The following MTREX variants were observed in gnomAD, a reference collection of about 807,000 sequenced individuals.
MTREX encodes the protein exosome RNA helicase MTR4.
Under a neutral mutation model 135.4 loss-of-function variants are expected in MTREX, and 76 were observed. That is an observed-to-expected ratio of 0.56 (90% CI 0.47 to 0.68). The LOEUF (loss-of-function observed/expected upper bound fraction) is 0.68, where lower values mean the gene tolerates loss of function less well. Among genes scored for constraint, MTREX ranks in the 30% least tolerant of loss-of-function variants. MTREX has a pLI of 0.00. For missense variants in MTREX, 920 were observed against 1,262.1 expected, an observed-to-expected ratio of 0.73 and a Z score of 4.11; for synonymous variants, 404 against 401.6, an observed-to-expected ratio of 1.01 and a Z score of -0.07.
intron 15 of MTREX, 126 bp downstream of exon 15, chr5:55,358,824 G>GC (rs1749962928): frequency 1.4e-6 from 1 of 724,042 alleles, no homozygotes; most frequent in South Asian, 2.5e-5. Flanking sequence ...AACTATCTGG[G>GC]CTTGGGAAGA....
Position 55,340,119 on chromosome 5 carries a change from G to A in MTREX, c.625G>A (p.Val209Ile), listed in dbSNP as rs746047205. The A allele has an allele frequency of 6.2e-6, 10 of 1,604,904 alleles. No individual in the cohort carries two copies. Among genetic ancestry groups the A allele is most frequent in the African/African-American group, 1.3e-5 (1 of 74,412 alleles). The change falls in exon 6 of 27, where the codon GTT becomes ATT. Residue 209 changes from valine (V) to isoleucine (I), a missense_variant. This residue lies in a region of MTREX where 88 missense variants were observed against 202.5 expected (regional missense o/e 0.43). Transcript: ENST00000230640. The part of the protein sequence containing the change: ...YREMYEEFQD[V>I]GLMTGDVTIN... The stretch of plus-strand genomic sequence containing the variant: ...TGAAATGTATGAAGAATTTCAAGAT[G>A]TTGGTTTGATGACTGGTGATGTTAC...
chr5:55,343,538 C>G, intron 8 of MTREX, 83 bp downstream of exon 8: 2 of 1,196,216 alleles, frequency 1.7e-6, no homozygotes, highest in Middle Eastern at 2.0e-4. Flanking sequence ...TGCTTTTCTC[C>G]TGATGTTGTC....
intron 23 of MTREX, among the ~76,000 whole-genome samples, chr5:55,412,850 GATGT>G (rs771404514): frequency 7.2e-5 from 11 of 152,132 alleles, no homozygotes; most frequent in Admixed American, 2.0e-4. Flanking sequence ...ATTAAACTGA[GATGT>G]TAAGGTCATT....
At chr5:55,414,563 A>T (rs1482600813) in intron 24 of MTREX, among the ~76,000 whole-genome samples, 1 of 152,170 alleles carries the variant, frequency 6.6e-6, no homozygotes, top group Non-Finnish European at 1.5e-5. Context: ...CTCAGTACTG[A>T]TAATGGTATC....
intron 16 of MTREX, among the ~76,000 whole-genome samples, chr5:55,374,492 C>G (rs1750262105): frequency 6.6e-6 from 1 of 151,816 alleles, no homozygotes; most frequent in South Asian, 2.1e-4. Context: ...CACTGTCTCT[C>G]CCAGGCTGGT....
At chr5:55,409,097 G>A (rs1055696612) in intron 22 of MTREX, among the ~76,000 whole-genome samples, 7 of 152,112 alleles carry the variant, frequency 4.6e-5, no homozygotes, top group African/African-American at 9.6e-5. Context: ...GACTACAGGC[G>A]TGTGCCACCA....
At position 55,421,982 on chromosome 5, in the gene MTREX, G is replaced by A. The variant is rs568394799; in HGVS notation, c.2972-896G>A. Among the ~76,000 whole-genome samples, 7 of 152,194 alleles carry A rather than the reference G, an allele frequency of 4.6e-5. No homozygotes were observed. In the South Asian group the frequency reaches 1.5e-3, roughly 32 times the overall value. On this transcript the variant is annotated intron_variant, in intron 25 of 26. Transcript: ENST00000230640. Reference sequence around the variant, plus strand: ...TGTTTCATTGCAAGGCAGTATTGGAGCCTGCATTCCTAGCAGCTGAGAATA... The same window carrying A: ...TGTTTCATTGCAAGGCAGTATTGGAACCTGCATTCCTAGCAGCTGAGAATA...
At chr5:55,352,611 A>G (rs1468001167) in intron 13 of MTREX, among the ~76,000 whole-genome samples, 2 of 152,196 alleles carry the variant, frequency 1.3e-5, no homozygotes, top group East Asian at 3.8e-4. Context: ...ATTCTTTTTA[A>G]TGAATGAATA....
Position 55,422,955 on chromosome 5 carries a change from A to G in MTREX, c.3049A>G (p.Thr1017Ala). ...TCAAGCAGCAAAAGCCATTGGAAACACTGAGCTGGAAAATAAATTTGCAGA... is the reference window on the plus strand; with the variant it reads ...TCAAGCAGCAAAAGCCATTGGAAACGCTGAGCTGGAAAATAAATTTGCAGA... ...MCQAAKAIGN[T>A]ELENKFAEGI... The change falls in exon 26 of 27, where the codon ACT (threonine) becomes GCT (alanine). Residue 1017 changes from threonine to alanine, a missense_variant. This residue lies in a region of MTREX where 467 missense variants were observed against 589.7 expected (regional missense o/e 0.79). Coordinates refer to ENST00000230640, the MANE Select transcript of MTREX (RefSeq NM_015360.5). The G allele has an allele frequency of 6.2e-7, 1 of 1,614,050 alleles. No individual in the cohort carries two copies. Among genetic ancestry groups the G allele is most frequent in the Non-Finnish European group, 8.5e-7 (1 of 1,179,928 alleles).
chr5:55,344,548 T>C lies in MTREX; in HGVS notation c.933T>C (p.Tyr311=). 1 of 1,611,462 alleles carries C rather than the reference T, an allele frequency of 6.2e-7. No homozygotes were observed. Among genetic ancestry groups the C allele is most frequent in the Non-Finnish European group, 8.5e-7 (1 of 1,177,966 alleles). ...KQPCHVIYTD[Y]RPTPLQHYIF... ...CTTGTCATGTTATTTACACAGATTA[T>C]CGGCCCACTCCATTGCAACACTACA... is the stretch of plus-strand genomic sequence containing the variant. The change falls in exon 9 of 27, where the codon TAT becomes TAC. Residue 311 remains tyrosine (Y), a synonymous_variant. Coordinates refer to ENST00000230640, the MANE Select transcript of MTREX (RefSeq NM_015360.5).
chr5:55,414,316 A>T, intron 24 of MTREX, 78 bp downstream of exon 24: 9 of 1,134,234 alleles, frequency 7.9e-6, no homozygotes, highest in Admixed American at 3.0e-5. Flanking sequence ...TTGATAATCT[A>T]ATCATAGTAG....
chr5:55,378,716 A>C (rs1245318075), intron 17 of MTREX, among the ~76,000 whole-genome samples: 1 of 152,196 alleles, frequency 6.6e-6, no homozygotes, highest in Non-Finnish European at 1.5e-5. Flanking sequence ...TGAAGTAGAT[A>C]GTTTTGGAAT....
intron 16 of MTREX, among the ~76,000 whole-genome samples, chr5:55,374,064 C>T (rs1317567177): frequency 1.3e-5 from 2 of 151,890 alleles, no homozygotes; most frequent in Non-Finnish European, 2.9e-5. Flanking sequence ...TCAAGACCAG[C>T]CTGGCCAACA....
Position 55,347,140 on chromosome 5 carries a change from C to T in MTREX, c.1236C>T (p.Asn412=), listed in dbSNP as rs774241535. The change falls in exon 11 of 27, where the codon AAC becomes AAT. Residue 412 remains asparagine, a synonymous_variant. Coordinates refer to ENST00000230640, the MANE Select transcript of MTREX (RefSeq NM_015360.5). ...YALQMTKLDF[N]TDEEKKMVEE... The stretch of plus-strand genomic sequence containing the variant: ...TTCAAATGACCAAATTAGATTTCAA[C>T]ACAGGTACTACATCATTTCAGTATC... 3 of 1,598,528 alleles carry T rather than the reference C, an allele frequency of 1.9e-6. No homozygotes were observed. The highest frequency in any genetic ancestry group is 1.1e-5 in the South Asian group (1 of 87,824).
chr5:55,380,448 T>C (rs1750378243), intron 18 of MTREX, among the ~76,000 whole-genome samples: 1 of 152,232 alleles, frequency 6.6e-6, no homozygotes, highest in Non-Finnish European at 1.5e-5. Context: ...AATTTCTTTC[T>C]GTTCCTGGTG....
rs543817592 is a variant in MTREX at position 55,382,622 on chromosome 5, G to GTT, written c.2052+3435_2052+3436dup. ...TATTACTTTTTGAAAATCATTTATG[G>GTT]TTTTTTTTTGTTTTTTTGTTTTTTG... is the stretch of plus-strand genomic sequence containing the variant. On this transcript the variant is annotated intron_variant, in intron 18 of 26. Coordinates refer to ENST00000230640, the MANE Select transcript of MTREX (RefSeq NM_015360.5). Among the ~76,000 whole-genome samples the GTT allele has an allele frequency of 1.1e-3, 159 of 150,456 alleles. 1 individual carries two copies. The highest frequency in any genetic ancestry group is 3.7e-3 in the African/African-American group (153 of 41,048).
At chr5:55,415,720 T>C (rs1036324942) in intron 24 of MTREX, among the ~76,000 whole-genome samples, 6 of 152,236 alleles carry the variant, frequency 3.9e-5, no homozygotes, top group African/African-American at 1.2e-4. Flanking sequence ...TGAAAAGGTA[T>C]CACTGGCTGA....
At chr5:55,349,888 G>C (rs1158195215) in intron 12 of MTREX, among the ~76,000 whole-genome samples, 1 of 152,136 alleles carries the variant, frequency 6.6e-6, no homozygotes, top group Non-Finnish European at 1.5e-5. Flanking sequence ...GAAAATTACT[G>C]CTAGTGTTCT....
rs3747729 is a variant in MTREX, at chr5:55,421,818, A to G, written c.2972-1060A>G. Reference sequence around the variant, plus strand: ...AAATCTAGTTACATTTTGAGCCACTACCTAATTTAATTATCTTTGGATATA... The same window carrying G: ...AAATCTAGTTACATTTTGAGCCACTGCCTAATTTAATTATCTTTGGATATA... On this transcript the variant is annotated intron_variant, in intron 25 of 26. Coordinates refer to ENST00000230640, the MANE Select transcript of MTREX (RefSeq NM_015360.5). 1.7e-3 allele frequency among the ~76,000 whole-genome samples: 254 copies of G among 152,120 alleles called. 9 individuals carry two copies. The East Asian group carries it at 0.047, about 28-fold the overall frequency.
Sources: gnomAD v4.1 joint callset for allele counts (sites outside exome capture counted in the v4.1 genomes callset) on GRCh38, gnomAD v4.1.1 for gene constraint, gnomAD v4.1.1 regional missense constraint, MANE v1.5 for transcripts, NCBI Gene and HGNC (gene_info 2026-07-23, HGNC 2026-07-21) for gene names.